Variants in TENM4 observed in about 807,000 individuals in gnomAD.
TENM4 encodes the protein teneurin transmembrane protein 4.
Under a neutral mutation model 243.3 loss-of-function variants are expected in TENM4, and 82 were observed. The observed-to-expected ratio is 0.34, with a 90% confidence interval of 0.28 to 0.40. The LOEUF (loss-of-function observed/expected upper bound fraction) is 0.40, where lower values mean the gene tolerates loss of function less well. TENM4 is among the 10% of genes least tolerant of loss of function. The probability of loss-of-function intolerance (pLI) is 1.00; values close to 1 mark genes in which losing one functional copy is unlikely to be tolerated. For synonymous variants in TENM4, 1,412 were observed against 1,456.3 expected (o/e 0.97, Z 0.69); for missense variants, 3,138 against 3,673.3 (o/e 0.85, Z 3.77).
intron 6 of TENM4, among the ~76,000 whole-genome samples, chr11:79,047,178 GA>G: frequency 6.6e-6 from 1 of 152,258 alleles, no homozygotes. Flanking sequence ...GACCACTGAA[GA>G]AAAATAATAC....
chr11:78,815,426 C>G (rs1053565860), intron 12 of TENM4, among the ~76,000 whole-genome samples: 3 of 152,096 alleles, frequency 2.0e-5, no homozygotes, highest in African/African-American at 7.2e-5. Context: ...TTCTGCACTA[C>G]TTGCATCCCC....
intron 30 of TENM4, among the ~76,000 whole-genome samples, chr11:78,674,871 G>GT (rs201243148): frequency 0.026 from 3,797 of 145,990 alleles, 120 homozygotes; most frequent in African/African-American, 0.08. Context: ...CTATTTTCTA[G>GT]TTTTTTTTTT....
intron 4 of TENM4, among the ~76,000 whole-genome samples, chr11:79,128,965 A>T (rs4492849): frequency 6.6e-6 from 1 of 152,200 alleles, no homozygotes; most frequent in East Asian, 1.9e-4. Context: ...CAAACCAGCA[A>T]TCCTGAGAGG....
chr11:78,665,825 T>C (rs1858143066), intron 32 of TENM4, among the ~76,000 whole-genome samples: 2 of 152,212 alleles, frequency 1.3e-5, no homozygotes, highest in Non-Finnish European at 2.9e-5. Context: ...ATTTTTTGGT[T>C]GCCTTCCCAG....
intron 12 of TENM4, among the ~76,000 whole-genome samples, chr11:78,839,152 A>G (rs1033171596): frequency 3.3e-5 from 5 of 152,144 alleles, no homozygotes; most frequent in Admixed American, 1.3e-4. Flanking sequence ...CCATACTTTC[A>G]TCTGTTTATT....
chr11:79,220,168 A>G (rs1864130533), intron 2 of TENM4, among the ~76,000 whole-genome samples: 1 of 152,242 alleles, frequency 6.6e-6, no homozygotes. Flanking sequence ...GAGGGCTCCT[A>G]ATGCACTCAG....
At chr11:78,724,553 A>G (rs1855472211) in intron 23 of TENM4, among the ~76,000 whole-genome samples, 2 of 152,216 alleles carry the variant, frequency 1.3e-5, no homozygotes, top group Non-Finnish European at 2.9e-5. Context: ...ACACCCATCC[A>G]TTCTCCACTG....
intron 1 of TENM4, among the ~76,000 whole-genome samples, chr11:79,322,399 A>G (rs1438177569): frequency 6.6e-6 from 1 of 152,192 alleles, no homozygotes; most frequent in Non-Finnish European, 1.5e-5. Context: ...CTGTGCAATG[A>G]GTCCTGCAAA....
At chr11:78,893,897 T>C (rs1226719747) in intron 7 of TENM4, among the ~76,000 whole-genome samples, 2 of 152,076 alleles carry the variant, frequency 1.3e-5, no homozygotes, top group Non-Finnish European at 2.9e-5. Context: ...CACACACACA[T>C]ATCCAATATA....
chr11:78,874,541 C>A (rs368701668), intron 9 of TENM4, among the ~76,000 whole-genome samples: 2 of 152,138 alleles, frequency 1.3e-5, no homozygotes. Flanking sequence ...TACTGCACTA[C>A]AGAAAAGTCA....
intron 2 of TENM4, among the ~76,000 whole-genome samples, chr11:79,286,437 GA>G (rs1233651053): frequency 6.6e-6 from 1 of 150,784 alleles, no homozygotes; most frequent in Non-Finnish European, 1.5e-5. Context: ...GGGATCACCT[GA>G]GGTCAGAAGT....
In TENM4 at chr11:78,727,416, C is replaced by T. The variant is rs376718209; in HGVS notation, c.3407-1194G>A. Among the ~76,000 whole-genome samples the T allele has an allele frequency of 2.1e-5, 3 of 145,140 alleles. No individual in the cohort carries two copies. In the East Asian group the frequency reaches 5.9e-4, roughly 29 times the overall value. Reference sequence around the variant, plus strand: ...GAGCCACTGCATTCCATCCTGACGACAGAGCGAGACTCCGCCTCAAAAAAA... The same window carrying T: ...GAGCCACTGCATTCCATCCTGACGATAGAGCGAGACTCCGCCTCAAAAAAA... On this transcript the variant is annotated intron_variant, in intron 22 of 33. Transcript: ENST00000278550.
At chr11:78,913,628 T>TGTGTGTGTGTGA (rs1295488883) in intron 6 of TENM4, among the ~76,000 whole-genome samples, 2 of 114,274 alleles carry the variant, frequency 1.8e-5, no homozygotes, top group African/African-American at 3.4e-5. Flanking sequence ...TGTGTGTGTG[T>TGTGTGTGTGTGA]GAGTGTCGGG....
chr11:78,735,744 T>C (rs987671817), intron 20 of TENM4, among the ~76,000 whole-genome samples: 4 of 152,170 alleles, frequency 2.6e-5, no homozygotes, highest in African/African-American at 7.2e-5. Flanking sequence ...ATGAAGCTGA[T>C]GATCATAATC....
intron 4 of TENM4, among the ~76,000 whole-genome samples, chr11:79,114,334 T>C (rs548711679): frequency 3.0e-4 from 46 of 152,354 alleles, no homozygotes; most frequent in African/African-American, 1.1e-3. Flanking sequence ...ATTTGGTGTC[T>C]GCAAGGCAAG....
At chr11:78,809,934 C>G (rs537101670) in intron 14 of TENM4, among the ~76,000 whole-genome samples, 22 of 152,290 alleles carry the variant, frequency 1.4e-4, no homozygotes, top group Admixed American at 8.5e-4. Context: ...CACAGGGTCT[C>G]ACTTTTCACT....
At chr11:79,138,814 T>A (rs1386050678) in intron 4 of TENM4, among the ~76,000 whole-genome samples, 1 of 118,962 alleles carries the variant, frequency 8.4e-6, no homozygotes, top group East Asian at 2.3e-4. Flanking sequence ...CATACATATT[T>A]ATATAAATAT....
At chr11:79,312,893 G>C (rs1203605394) in intron 1 of TENM4, among the ~76,000 whole-genome samples, 1 of 152,186 alleles carries the variant, frequency 6.6e-6, no homozygotes, top group African/African-American at 2.4e-5. Context: ...TTCCCTGCCA[G>C]GGCAAGCTAC....
At chr11:79,121,492 G>C (rs1400465594) in intron 4 of TENM4, among the ~76,000 whole-genome samples, 1 of 152,216 alleles carries the variant, frequency 6.6e-6, no homozygotes, top group Non-Finnish European at 1.5e-5. Context: ...TCCCAGCCAA[G>C]TAGCTTTATT....
Sources: gnomAD v4.1 joint callset for allele counts (sites outside exome capture counted in the v4.1 genomes callset) on GRCh38, gnomAD v4.1.1 for gene constraint, MANE v1.5 for transcripts, NCBI Gene and HGNC (gene_info 2026-07-23, HGNC 2026-07-21) for gene names.